Variants in ADAMTS8 observed in about 807,000 individuals in gnomAD.
ADAMTS8 encodes A disintegrin and metalloproteinase with thrombospondin motifs 8.
ADAMTS8 carries 50 observed loss-of-function variants against 64.4 expected under a neutral mutation model. The ratio of observed to expected loss-of-function variants is 0.78; its 90% CI spans 0.62 to 0.98. ADAMTS8 has a LOEUF of 0.98. ADAMTS8 is among the 50% of genes least tolerant of loss of function. The pLI is 0.00. For synonymous variants in ADAMTS8, 556 were observed against 533.6 expected (o/e 1.04, Z -0.58); for missense variants, 1,192 against 1,208.2 (o/e 0.99, Z 0.20).
intron 1 of ADAMTS8, among the ~76,000 whole-genome samples, chr11:130,426,159 G>A (rs73569474): frequency 0.049 from 7,426 of 152,262 alleles, 609 homozygotes; most frequent in African/African-American, 0.17. Context: ...GCAGGGGTGC[G>A]TCCCTGGGGT....
intron 8 of ADAMTS8, among the ~76,000 whole-genome samples, chr11:130,407,355 G>T (rs1029352602): frequency 6.6e-6 from 1 of 152,104 alleles, no homozygotes. Context: ...AACAGAGTGA[G>T]ACTCTGTCTC....
Position 130,428,121 on chromosome 11 carries a change from GGAGCGC to G in ADAMTS8, c.160_165del (p.Ala54_Leu55del), listed in dbSNP as rs1181411012. On this transcript the variant is annotated inframe_deletion, in exon 1 of 9. Transcript: ENST00000257359. ...AAGCCCTTGCCGAAGGCGGACAGGT[GGAGCGC>G]GAGCTCGCCCGCGCTGCCGGGCAAC... 9.2e-6 allele frequency: 14 copies of G among 1,515,264 alleles called. No homozygotes were observed. Among genetic ancestry groups the G allele is most frequent in the Non-Finnish European group, 1.2e-5 (14 of 1,141,124 alleles). The allele number at this position is 1,515,264 out of a possible 1,614,324, so 93.9% of individuals were successfully genotyped here.
chr11:130,412,714 TA>T (rs1861968172), intron 5 of ADAMTS8, among the ~76,000 whole-genome samples: 1 of 152,258 alleles, frequency 6.6e-6, no homozygotes, highest in African/African-American at 2.4e-5. Context: ...ACTACCCAGA[TA>T]AAACCATTAA....
At position 130,428,107 on chromosome 11, in the gene ADAMTS8, G is replaced by C. The variant is rs1406107151; in HGVS notation, c.180C>G (p.Phe60Leu). Reference sequence around the variant, plus strand: ...CCAGGCGCAGCACGAAGCCCTTGCCGAAGGCGGACAGGTGGAGCGCGAGCT... The same window carrying C: ...CCAGGCGCAGCACGAAGCCCTTGCCCAAGGCGGACAGGTGGAGCGCGAGCT... Reference protein sequence around the residue: ...AGELALHLSAFGKGFVLRLAP... With the variant: ...AGELALHLSALGKGFVLRLAP... Residue 60 changes from phenylalanine to leucine, a missense_variant, in exon 1 of 9, where the codon TTC becomes TTG. Phe to Leu is a conservative substitution (Grantham distance 22, BLOSUM62 0). This residue lies in a region of ADAMTS8 where 741 missense variants were observed against 710.6 expected (regional missense o/e 1.04). Transcript: ENST00000257359. 5.9e-6 allele frequency: 9 copies of C among 1,531,612 alleles called. No homozygotes were observed. The highest frequency in any genetic ancestry group is 7.8e-6 in the Non-Finnish European group (9 of 1,148,768). 94.9% of individuals were successfully genotyped at this position (1,531,612 alleles called of 1,614,324 possible). A position where few individuals can be genotyped will look rare whatever the true frequency, so the allele number is the denominator to read the frequency against.
intron 8 of ADAMTS8, among the ~76,000 whole-genome samples, chr11:130,407,629 T>C (rs992437308): frequency 3.9e-4 from 59 of 152,068 alleles, no homozygotes; most frequent in African/African-American, 1.2e-3. Context: ...CTAGGACACA[T>C]TGATGTACTG....
At chr11:130,414,862 A>G in intron 4 of ADAMTS8, 30 bp from the exon 5 acceptor site, 1 of 1,570,602 alleles carries the variant, frequency 6.4e-7, no homozygotes, top group South Asian at 1.2e-5. Context: ...GGGTGTAAGA[A>G]CATGCACAGG....
chr11:130,414,417 T>C, intron 5 of ADAMTS8, 114 bp downstream of exon 5: 1 of 1,316,566 alleles, frequency 7.6e-7, no homozygotes, highest in Non-Finnish European at 1.0e-6. Context: ...CCTGGCTGTC[T>C]CTCGGTTCAT....
At chr11:130,418,007 CAAAA>C (rs5795694) in intron 2 of ADAMTS8, among the ~76,000 whole-genome samples, 10 of 93,928 alleles carry the variant, frequency 1.1e-4, no homozygotes, top group Non-Finnish European at 1.2e-4. Flanking sequence ...CTACAAAAAG[CAAAA>C]AAAAAAAAAA....
Position 130,406,005 on chromosome 11 carries a change from C to G in ADAMTS8, c.2223G>C (p.Gln741His). 6.2e-7 allele frequency: 1 copy of G among 1,614,258 alleles called. No homozygotes were observed. The highest frequency in any genetic ancestry group is 1.1e-5 in the South Asian group (1 of 91,088). ...TGGCCAGGTTGCCGTTGAGCAGGTA[C>G]TGCCCATCAGCCGTCTTCAGCGCCA... ...NYLALKTADG[Q>H]YLLNGNLAIS... The change falls in exon 9 of 9, where the codon CAG becomes CAC. Residue 741 changes from glutamine to histidine, a missense_variant. Coordinates refer to ENST00000257359, the MANE Select transcript of ADAMTS8 (RefSeq NM_007037.6).
At chr11:130,425,766 A>G (rs975022989) in intron 1 of ADAMTS8, among the ~76,000 whole-genome samples, 1 of 150,888 alleles carries the variant, frequency 6.6e-6, no homozygotes, top group African/African-American at 2.4e-5. Flanking sequence ...ACGCCTGGCT[A>G]TTTTTTTTGT....
Position 130,419,267 on chromosome 11 carries a change from A to G in ADAMTS8, c.746T>C (p.Val249Ala). The change falls in exon 2 of 9, where the codon GTG becomes GCG. Residue 249 changes from valine to alanine, a missense_variant. Physicochemically the swap from Val to Ala is moderately conservative, Grantham distance 64 (BLOSUM62 0). Around this residue, in one of 5 missense-constraint regions of ADAMTS8, gnomAD observed 741 missense variants for 710.6 expected, o/e 1.04. Coordinates refer to ENST00000257359, the MANE Select transcript of ADAMTS8 (RefSeq NM_007037.6). ...LQNHILTLMSVAARIYKHPSI... is the reference protein window; with the variant it reads ...LQNHILTLMSAAARIYKHPSI... ...GGGGTGCTTGTAGATTCGGGCTGCC[A>G]CAGACATTAACGTCAGGATGTGGTT... is the stretch of plus-strand genomic sequence containing the variant. 6.2e-7 allele frequency: 1 copy of G among 1,613,990 alleles called. No individual in the cohort carries two copies. Among genetic ancestry groups the G allele is most frequent in the Non-Finnish European group, 8.5e-7 (1 of 1,180,048 alleles).
intron 1 of ADAMTS8, among the ~76,000 whole-genome samples, chr11:130,421,944 C>G (rs1256056169): frequency 1.3e-5 from 2 of 152,342 alleles, no homozygotes; most frequent in African/African-American, 4.8e-5. Context: ...TCCTGGCCCC[C>G]CTGAGGAGCA....
rs560607859 is a variant in ADAMTS8, at chr11:130,418,703, C to T, written c.960+350G>A. ...GGCAGATCTTGAGGGGACCCCCTGG[C>T]TACCTGCCCCTGTGTTTTACAACCA... On this transcript the variant is annotated intron_variant, in intron 2 of 8. Transcript: ENST00000257359. 2.0e-5 allele frequency among the ~76,000 whole-genome samples: 3 copies of T among 152,354 alleles called. No individual in the cohort carries two copies. In the South Asian group the frequency reaches 6.2e-4, roughly 32 times the overall value.
intron 6 of ADAMTS8, among the ~76,000 whole-genome samples, chr11:130,410,505 CAA>C (rs1364726261): frequency 6.6e-6 from 1 of 152,198 alleles, no homozygotes; most frequent in African/African-American, 2.4e-5. Flanking sequence ...AATTCCAGGG[CAA>C]AGTTTCTAGA....
rs1565371888 is a variant in ADAMTS8 at position 130,405,326 on chromosome 11, C to T, written c.*232G>A. The T allele has an allele frequency of 7.6e-7, 1 of 1,324,104 alleles. No homozygotes were observed. The highest frequency in any genetic ancestry group is 9.6e-7 in the Non-Finnish European group (1 of 1,041,476). 82.0% of individuals were successfully genotyped at this position (1,324,104 alleles called of 1,614,324 possible). A position where few individuals can be genotyped will look rare whatever the true frequency, so the allele number is the denominator to read the frequency against. On this transcript the variant is annotated 3_prime_UTR_variant, in exon 9 of 9. Coordinates refer to ENST00000257359, the MANE Select transcript of ADAMTS8 (RefSeq NM_007037.6). Reference sequence around the variant, plus strand: ...TTTAACCTATGCCCTCTACTTGAACCCGAGCAAGGTCCAGTCCACTGGACA... The same window carrying T: ...TTTAACCTATGCCCTCTACTTGAACTCGAGCAAGGTCCAGTCCACTGGACA...
intron 8 of ADAMTS8, among the ~76,000 whole-genome samples, chr11:130,406,713 C>G (rs1285319226): frequency 6.6e-6 from 1 of 152,158 alleles, no homozygotes; most frequent in Non-Finnish European, 1.5e-5. Flanking sequence ...TTCTTTGAAG[C>G]CACCTTCTGG....
Position 130,408,516 on chromosome 11 carries a change from C to A in ADAMTS8, c.2047G>T (p.Gly683Trp). Residue 683 changes from glycine (G) to tryptophan (W), a missense_variant, in exon 8 of 9, where the codon GGG (glycine) becomes TGG (tryptophan). This residue lies in a region of ADAMTS8 where 290 missense variants were observed against 297.8 expected (regional missense o/e 0.97). Coordinates refer to ENST00000257359, the MANE Select transcript of ADAMTS8 (RefSeq NM_007037.6). ...TTCCTGCAGGAGTTGCCTTTGCCCC[C>A]ACACACCCCGCATTTGTCCAGCTTC... ...PRKLDKCGVCGGKGNSCRKVS... is the reference protein window; with the variant it reads ...PRKLDKCGVCWGKGNSCRKVS... 6.2e-7 allele frequency: 1 copy of A among 1,614,146 alleles called. No homozygotes were observed. The highest frequency in any genetic ancestry group is 8.5e-7 in the Non-Finnish European group (1 of 1,180,034).
Position 130,417,127 on chromosome 11 carries a change from G to A in ADAMTS8, c.961-52C>T, listed in dbSNP as rs528049462. 6.2e-5 allele frequency: 100 copies of A among 1,604,614 alleles called. No homozygotes were observed. The African/African-American group carries it at 8.7e-4, about 14-fold the overall frequency. ...GTGCATCAGTGTGTGTGTGGGGTGC[G>A]CTGCAGGCCTGCAGGGCCGGGTGTG... On this transcript the variant is annotated intron_variant, in intron 2 of 8. Coordinates refer to ENST00000257359, the MANE Select transcript of ADAMTS8 (RefSeq NM_007037.6).
intron 1 of ADAMTS8, among the ~76,000 whole-genome samples, chr11:130,422,750 C>T (rs571149449): frequency 1.3e-5 from 2 of 152,358 alleles, no homozygotes; most frequent in South Asian, 2.1e-4. Context: ...CAGCCTTCAC[C>T]ACTGAGCATG....
Sources: gnomAD v4.1 joint callset for allele counts (sites outside exome capture counted in the v4.1 genomes callset) on GRCh38, gnomAD v4.1.1 for gene constraint, gnomAD v4.1.1 regional missense constraint, MANE v1.5 for transcripts, NCBI Gene and HGNC (gene_info 2026-07-23, HGNC 2026-07-21) for gene names.